Variants in RANGAP1 observed in about 807,000 individuals in gnomAD.
The protein encoded by RANGAP1 is ran GTPase-activating protein 1.
A neutral mutation model predicts 63.5 loss-of-function variants in RANGAP1; 38 were observed. The observed-to-expected ratio is 0.60, with a 90% confidence interval of 0.46 to 0.78. The LOEUF (loss-of-function observed/expected upper bound fraction) is 0.78, where lower values mean the gene tolerates loss of function less well. Among genes scored for constraint, RANGAP1 ranks in the 30% least tolerant of loss-of-function variants. The pLI is 0.00. For synonymous variants in RANGAP1, 329 were observed against 310.5 expected, an observed-to-expected ratio of 1.06 and a Z score of -0.63; for missense variants, 630 against 740.3, an observed-to-expected ratio of 0.85 and a Z score of 1.73.
chr22:41,292,787 G>A, the RANGAP1 span, among the ~76,000 whole-genome samples: 1 of 151,696 alleles, frequency 6.6e-6, no homozygotes, highest in South Asian at 2.1e-4. Flanking sequence ...TTCCAAAATG[G>A]AAACAATTTT....
rs2033569776 is a variant in RANGAP1, at chr22:41,252,912, A to G, written c.1340T>C (p.Leu447Pro). ...CACGGAGCTCTTGGGCCCTAGGCGC[A>G]GCAGCTTCTCTGGAGAGGGAAAAGC... ...FLAFPSPEKL[L>P]RLGPKSSVLI... The change falls in exon 12 of 16, where the codon CTG (leucine) becomes CCG (proline). Residue 447 changes from leucine (L) to proline (P), a missense_variant. By Grantham distance (98) the Leu-to-Pro change is moderately conservative (BLOSUM62 -3). This residue lies in a region of RANGAP1 where 428 missense variants were observed against 465.5 expected (regional missense o/e 0.92). Transcript: ENST00000356244. 1 of 1,572,374 alleles carries G rather than the reference A, an allele frequency of 6.4e-7. No homozygotes were observed. Among genetic ancestry groups the G allele is most frequent in the African/African-American group, 1.4e-5 (1 of 71,254 alleles).
chr22:41,247,590 G>T (rs2033134536), intron 15 of RANGAP1, among the ~76,000 whole-genome samples: 1 of 152,346 alleles, frequency 6.6e-6, no homozygotes, highest in South Asian at 2.1e-4. Flanking sequence ...GGGCTCAAGT[G>T]ATCCAGTTGC....
chr22:41,248,947 G>T (rs998414166), intron 15 of RANGAP1, among the ~76,000 whole-genome samples: 3 of 152,340 alleles, frequency 2.0e-5, no homozygotes, highest in South Asian at 4.1e-4. Flanking sequence ...AAGCCACTCC[G>T]GAGATGTCAC....
At chr22:41,295,791 C>G in the RANGAP1 span, among the ~76,000 whole-genome samples, 2 of 148,376 alleles carry the variant, frequency 1.3e-5, no homozygotes, top group South Asian at 4.3e-4. Context: ...ATGTACTGAC[C>G]AAAACAGGGA....
the RANGAP1 span, among the ~76,000 whole-genome samples, chr22:41,300,658 A>G: frequency 3.3e-5 from 5 of 150,066 alleles, no homozygotes; most frequent in Non-Finnish European, 7.4e-5. Context: ...TTTTGTAGAG[A>G]TGGGGTTTCA....
At chr22:41,263,876 C>G (rs1477339824) in intron 5 of RANGAP1, among the ~76,000 whole-genome samples, 1 of 152,244 alleles carries the variant, frequency 6.6e-6, no homozygotes, top group Non-Finnish European at 1.5e-5. Flanking sequence ...ACAGCACTAG[C>G]TATGTGATCC....
the RANGAP1 span, among the ~76,000 whole-genome samples, chr22:41,295,562 G>C: frequency 6.6e-6 from 1 of 150,404 alleles, no homozygotes. Context: ...CAAACACTGC[G>C]GAAGGCCGCA....
chr22:41,272,119 G>A (rs2034874634), intron 3 of RANGAP1, among the ~76,000 whole-genome samples: 1 of 152,352 alleles, frequency 6.6e-6, no homozygotes, highest in South Asian at 2.1e-4. Context: ...CGGCAAACAA[G>A]GTGGTGCTGT....
intron 5 of RANGAP1, 71 bp from the exon 6 acceptor site, chr22:41,261,651 T>C (rs535215275): frequency 6.3e-7 from 1 of 1,594,434 alleles, no homozygotes; most frequent in African/African-American, 1.3e-5. Flanking sequence ...CCACTGCTGC[T>C]GAACTGCTCT....
chr22:41,260,676 G>A (rs1251129869), intron 6 of RANGAP1, among the ~76,000 whole-genome samples: 7 of 152,148 alleles, frequency 4.6e-5, no homozygotes, highest in South Asian at 2.1e-4. Flanking sequence ...GTAAAACCCC[G>A]TCTCTAATAA....
chr22:41,266,002 A>G (rs2034446993), intron 4 of RANGAP1, among the ~76,000 whole-genome samples: 1 of 152,018 alleles, frequency 6.6e-6, no homozygotes, highest in South Asian at 2.1e-4. Flanking sequence ...GGAGATCGAG[A>G]CCATCCTGGC....
chr22:41,258,225 C>T, intron 6 of RANGAP1, 119 bp from the exon 7 acceptor site: 2 of 1,177,900 alleles, frequency 1.7e-6, no homozygotes, highest in South Asian at 1.8e-5. Flanking sequence ...AGGGCAGGGG[C>T]CTGTCTGTGG....
rs144450248 is a variant in RANGAP1, at chr22:41,280,993, C to T, written c.52G>A (p.Val18Met). The T allele has an allele frequency of 6.4e-5, 104 of 1,613,236 alleles. No homozygotes were observed. The highest frequency in any genetic ancestry group is 8.8e-5 in the Non-Finnish European group (104 of 1,179,726). Residue 18 changes from valine to methionine, a missense_variant, in exon 2 of 16, where the codon GTG (valine) becomes ATG (methionine). Physicochemically the swap from Val to Met is conservative, Grantham distance 21. This residue lies in a region of RANGAP1 where 65 missense variants were observed against 60.5 expected (regional missense o/e 1.07). Coordinates refer to ENST00000356244, the MANE Select transcript of RANGAP1 (RefSeq NM_002883.4). ...KLAETLAKTQ[V>M]AGGQLSFKGK... Reference sequence around the variant, plus strand: ...TTGAAACTCAGCTGTCCCCCGGCCACCTGAGTCTTGGCAAGTGTCTCTGCC... The same window carrying T: ...TTGAAACTCAGCTGTCCCCCGGCCATCTGAGTCTTGGCAAGTGTCTCTGCC...
At chr22:41,267,077 C>T (rs1245973585) in intron 4 of RANGAP1, among the ~76,000 whole-genome samples, 1 of 148,176 alleles carries the variant, frequency 6.7e-6, no homozygotes. Context: ...CGGGGTTTTG[C>T]CATGTTGGCC....
upstream of RANGAP1, among the ~76,000 whole-genome samples, chr22:41,288,670 G>T (rs990649103): frequency 6.6e-6 from 1 of 152,026 alleles, no homozygotes; most frequent in Non-Finnish European, 1.5e-5. Flanking sequence ...AGCTGATCCC[G>T]TCCTCATCCA....
At chr22:41,279,376 A>G (rs1402317480) in intron 2 of RANGAP1, among the ~76,000 whole-genome samples, 3 of 150,354 alleles carry the variant, frequency 2.0e-5, no homozygotes, top group Admixed American at 6.7e-5. Context: ...AGGCTGAGGC[A>G]GGAGAATGGC....
chr22:41,258,137 C>A, intron 6 of RANGAP1, 31 bp from the exon 7 acceptor site: 1 of 1,560,092 alleles, frequency 6.4e-7, no homozygotes, highest in Non-Finnish European at 8.7e-7. Flanking sequence ...GTGGAGGGGG[C>A]CCCGAGTGCC....
intron 2 of RANGAP1, among the ~76,000 whole-genome samples, chr22:41,277,661 C>T (rs2035238087): frequency 6.6e-6 from 1 of 152,188 alleles, no homozygotes; most frequent in African/African-American, 2.4e-5. Context: ...CCAAGTTTCC[C>T]TGGTTGGGCC....
chr22:41,250,039 C>T (rs143984639), intron 13 of RANGAP1, among the ~76,000 whole-genome samples: 373 of 152,352 alleles, frequency 2.4e-3, no homozygotes, highest in African/African-American at 8.6e-3. Flanking sequence ...ACACTCTGGC[C>T]CTTGCCCATC....
Sources: gnomAD v4.1 joint callset for allele counts (sites outside exome capture counted in the v4.1 genomes callset) on GRCh38, gnomAD v4.1.1 for gene constraint, gnomAD v4.1.1 regional missense constraint, MANE v1.5 for transcripts, NCBI Gene and HGNC (gene_info 2026-07-23, HGNC 2026-07-21) for gene names.